Variants in TMC1 observed in about 807,000 individuals in gnomAD.
TMC1 encodes the protein transmembrane channel-like protein 1.
TMC1 carries 84 observed loss-of-function variants against 105.8 expected under a neutral mutation model. That is an observed-to-expected ratio of 0.79 (90% CI 0.67 to 0.95). The LOEUF is 0.95. Ranked by LOEUF, TMC1 falls within the 40% of genes least tolerant of loss-of-function variation. TMC1 has a pLI of 0.00. For missense variants in TMC1, 817 were observed against 914.1 expected (o/e 0.89, Z 1.37); for synonymous variants, 315 against 311.5 (o/e 1.01, Z -0.12).
intron 13 of TMC1, among the ~76,000 whole-genome samples, chr9:72,774,806 A>G (rs1054877495): frequency 2.0e-5 from 3 of 152,316 alleles, no homozygotes; most frequent in African/African-American, 4.8e-5. Context: ...TTGATGAGAT[A>G]TAAATCTTTG....
At chr9:72,788,831 C>T (rs1189369561) in intron 14 of TMC1, among the ~76,000 whole-genome samples, 4 of 151,802 alleles carry the variant, frequency 2.6e-5, no homozygotes, top group African/African-American at 9.7e-5. Flanking sequence ...GACCCTAAAA[C>T]ATTATTTTGT....
At chr9:72,740,293 C>G in intron 9 of TMC1, 84 bp downstream of exon 9, 1 of 1,214,220 alleles carries the variant, frequency 8.2e-7, no homozygotes, top group Middle Eastern at 1.9e-4. Context: ...TGAAAAAAAT[C>G]TTACATTTTG....
chr9:72,581,702 T>TAAC (rs1824478004), intron 2 of TMC1, among the ~76,000 whole-genome samples: 1 of 152,226 alleles, frequency 6.6e-6, no homozygotes, highest in African/African-American at 2.4e-5. Flanking sequence ...TTTTCCTGAG[T>TAAC]AACAGCTCAG....
intron 8 of TMC1, among the ~76,000 whole-genome samples, chr9:72,724,584 GATA>G (rs941823889): frequency 1.3e-3 from 203 of 152,150 alleles, no homozygotes; most frequent in African/African-American, 4.6e-3. Flanking sequence ...AGTATAAAAT[GATA>G]ATAATAAATA....
chr9:72,563,073 A>G (rs1467965924), intron 1 of TMC1, among the ~76,000 whole-genome samples: 1 of 106,094 alleles, frequency 9.4e-6, no homozygotes, highest in African/African-American at 5.0e-5. Context: ...TATAAGATTT[A>G]CAAACATAGA....
At chr9:72,538,393 A>ACTTGT (rs1823619528) in intron 1 of TMC1, among the ~76,000 whole-genome samples, 5 of 102,338 alleles carry the variant, frequency 4.9e-5, no homozygotes, top group Admixed American at 4.6e-4. Flanking sequence ...GGGATAAAAT[A>ACTTGT]CTTGTATTGT....
intron 5 of TMC1, among the ~76,000 whole-genome samples, chr9:72,675,238 T>C (rs562884687): frequency 2.0e-5 from 3 of 152,142 alleles, no homozygotes; most frequent in Non-Finnish European, 4.4e-5. Flanking sequence ...GGGTATGAGC[T>C]ACAAACTCAT....
intron 1 of TMC1, among the ~76,000 whole-genome samples, chr9:72,565,111 T>C (rs997761916): frequency 6.6e-6 from 1 of 152,214 alleles, no homozygotes; most frequent in Non-Finnish European, 1.5e-5. Flanking sequence ...GTGAGCATTT[T>C]TGAGCCAAGG....
At chr9:72,698,712 A>C (rs1351042314) in intron 7 of TMC1, among the ~76,000 whole-genome samples, 1 of 152,210 alleles carries the variant, frequency 6.6e-6, no homozygotes, top group Non-Finnish European at 1.5e-5. Flanking sequence ...GAAAGGGTTG[A>C]AACGAAAACA....
At chr9:72,783,875 A>G (rs546003886) in intron 13 of TMC1, among the ~76,000 whole-genome samples, 5 of 152,320 alleles carry the variant, frequency 3.3e-5, no homozygotes, top group African/African-American at 1.2e-4. Flanking sequence ...CTTTCACCAG[A>G]TACAAAAATC....
intron 2 of TMC1, among the ~76,000 whole-genome samples, chr9:72,603,849 T>TC (rs1824864356): frequency 2.8e-5 from 1 of 36,332 alleles, no homozygotes; most frequent in Admixed American, 2.9e-4. Context: ...CGACCGGCTG[T>TC]TTTTTTTTTT....
intron 8 of TMC1, among the ~76,000 whole-genome samples, chr9:72,728,806 T>C (rs1827162328): frequency 6.6e-6 from 1 of 151,972 alleles, no homozygotes; most frequent in South Asian, 2.1e-4. Context: ...AATTGAATCT[T>C]AAAGCAATCA....
intron 2 of TMC1, among the ~76,000 whole-genome samples, chr9:72,613,289 C>G (rs1278926690): frequency 6.6e-6 from 1 of 151,842 alleles, no homozygotes; most frequent in Non-Finnish European, 1.5e-5. Flanking sequence ...CCATGCCTGG[C>G]TAATTTCTGT....
chr9:72,810,286 C>T (rs867655662), intron 18 of TMC1, among the ~76,000 whole-genome samples: 1 of 152,088 alleles, frequency 6.6e-6, no homozygotes, highest in Non-Finnish European at 1.5e-5. Flanking sequence ...CTGAGATAGG[C>T]AGAGGACATA....
At chr9:72,764,679 G>A (rs1827804121) in intron 12 of TMC1, among the ~76,000 whole-genome samples, 1 of 152,132 alleles carries the variant, frequency 6.6e-6, no homozygotes. Context: ...AATAAAAAAA[G>A]TTGGTGTACA....
At chr9:72,685,090 T>C (rs989209180) in intron 5 of TMC1, among the ~76,000 whole-genome samples, 3 of 147,832 alleles carry the variant, frequency 2.0e-5, no homozygotes, top group Non-Finnish European at 4.5e-5. Context: ...CTTACTGTTA[T>C]AAAGTCATTC....
At chr9:72,559,045 A>G (rs1044501505) in intron 1 of TMC1, among the ~76,000 whole-genome samples, 3 of 152,148 alleles carry the variant, frequency 2.0e-5, no homozygotes, top group Non-Finnish European at 2.9e-5. Flanking sequence ...CTGATACCAT[A>G]TTGAACTCAA....
At chr9:72,600,053 A>G (rs1442599892) in intron 2 of TMC1, among the ~76,000 whole-genome samples, 1 of 152,128 alleles carries the variant, frequency 6.6e-6, no homozygotes, top group Non-Finnish European at 1.5e-5. Flanking sequence ...TAATTGTAGG[A>G]TGAGGGCCAT....
chr9:72,628,931 T>C (rs1283963489), intron 4 of TMC1, among the ~76,000 whole-genome samples: 6 of 152,224 alleles, frequency 3.9e-5, no homozygotes, highest in Admixed American at 2.0e-4. Flanking sequence ...GACTTGATGA[T>C]GCAAAGAAAA....
Sources: gnomAD v4.1 joint callset for allele counts (sites outside exome capture counted in the v4.1 genomes callset) on GRCh38, gnomAD v4.1.1 for gene constraint, MANE v1.5 for transcripts, NCBI Gene and HGNC (gene_info 2026-07-23, HGNC 2026-07-21) for gene names.